The following FOCAD variants were observed in gnomAD, a reference collection of about 807,000 sequenced individuals.
The protein encoded by FOCAD is focadhesin, also known as KIAA1797.
Under a neutral mutation model 225.6 loss-of-function variants are expected in FOCAD, and 198 were observed. That is an observed-to-expected ratio of 0.88 (90% CI 0.78 to 0.99). The LOEUF (loss-of-function observed/expected upper bound fraction) is 0.99. Ranked by LOEUF, FOCAD falls within the 50% of genes least tolerant of loss-of-function variation. The pLI, the probability that FOCAD is intolerant of heterozygous loss-of-function variation, is 0.00. For synonymous variants in FOCAD, 897 were observed against 755.0 expected, an observed-to-expected ratio of 1.19 and a Z score of -3.08; for missense variants, 2,713 against 2,123.6, an observed-to-expected ratio of 1.28 and a Z score of -5.46.
intron 19 of FOCAD, among the ~76,000 whole-genome samples, chr9:20,879,702 C>T (rs893685860): frequency 4.6e-5 from 7 of 152,120 alleles, no homozygotes; most frequent in African/African-American, 1.2e-4. Context: ...TCAAAAGCAA[C>T]GAGAAAAATT....
At chr9:20,886,692 G>A (rs556572758) in intron 21 of FOCAD, among the ~76,000 whole-genome samples, 15 of 152,218 alleles carry the variant, frequency 9.9e-5, no homozygotes, top group Middle Eastern at 6.8e-3. Context: ...ATTAGAAGGC[G>A]TATTGGACAG....
chr9:20,868,869 C>G (rs769080561), intron 18 of FOCAD, among the ~76,000 whole-genome samples: 3 of 152,092 alleles, frequency 2.0e-5, no homozygotes, highest in Non-Finnish European at 2.9e-5. Flanking sequence ...TACTGAGGAC[C>G]TATCTCTTTA....
chr9:20,840,033 G>C (rs558758725), intron 15 of FOCAD, among the ~76,000 whole-genome samples: 2 of 152,132 alleles, frequency 1.3e-5, no homozygotes, highest in East Asian at 3.9e-4. Flanking sequence ...CTGTTTTTAT[G>C]CCAGTAGCAT....
intron 20 of FOCAD, among the ~76,000 whole-genome samples, chr9:20,884,583 C>T (rs1330150391): frequency 6.6e-6 from 1 of 151,882 alleles, no homozygotes; most frequent in Non-Finnish European, 1.5e-5. Context: ...AGGTGTGAGC[C>T]ACCGTGCCTG....
chr9:20,734,434 C>T (rs1006999267), intron 4 of FOCAD, among the ~76,000 whole-genome samples: 6 of 152,080 alleles, frequency 3.9e-5, no homozygotes, highest in Non-Finnish European at 5.9e-5. Context: ...TTGAATATTC[C>T]GTTCAAATGT....
chr9:20,721,483 C>T (rs10964673), intron 4 of FOCAD, among the ~76,000 whole-genome samples: 41,569 of 151,826 alleles, frequency 0.27, 6,039 homozygotes, highest in East Asian at 0.49. Flanking sequence ...GGGCGGATCA[C>T]CTGACGTCAG....
intron 7 of FOCAD, among the ~76,000 whole-genome samples, 178 bp downstream of exon 7, chr9:20,765,251 A>G (rs1829956796): frequency 6.6e-6 from 1 of 152,172 alleles, no homozygotes; most frequent in African/African-American, 2.4e-5. Context: ...TTTAATATGA[A>G]TATATTATAT....
At position 20,946,749 on chromosome 9, in the gene FOCAD, G is replaced by A; in HGVS notation, c.3604G>A (p.Gly1202Arg). Residue 1202 changes from glycine to arginine, a missense_variant, in exon 30 of 44, where the codon GGA becomes AGA. By Grantham distance (125) the Gly-to-Arg change is moderately radical. Transcript: ENST00000338382. ...TGTATGTACATCAGCGTTCAGTGCT[G>A]GAATTATTGAGGCTACAGAGGCTGA... ...SCVCTSAFSA[G>R]IIEATEAEDV... 2 of 1,613,802 alleles carry A rather than the reference G, an allele frequency of 1.2e-6. No individual in the cohort carries two copies. The highest frequency in any genetic ancestry group is 1.7e-5 in the Admixed American group (1 of 60,004).
At chr9:20,929,185 A>G in intron 26 of FOCAD, 173 bp from the exon 27 acceptor site, 1 of 556,188 alleles carries the variant, frequency 1.8e-6, no homozygotes, top group South Asian at 2.6e-5. Context: ...TTCATTAATA[A>G]TGAAAACATA....
chr9:20,743,101 C>A (rs1827763152), intron 5 of FOCAD, among the ~76,000 whole-genome samples: 1 of 152,170 alleles, frequency 6.6e-6, no homozygotes. Context: ...TTACCTGAGT[C>A]AATCATAAAA....
chr9:20,877,942 TACCACTC>T (rs1830365578), intron 19 of FOCAD, among the ~76,000 whole-genome samples: 1 of 152,096 alleles, frequency 6.6e-6, no homozygotes, highest in Non-Finnish European at 1.5e-5. Context: ...CCCAACGGGT[TACCACTC>T]TTTATGCAGT....
rs1319638119 is a variant in FOCAD, at chr9:20,821,069, G to C, written c.1791G>C (p.Gln597His). Residue 597 changes from glutamine to histidine, a missense_variant and splice_region_variant, in exon 14 of 44, where the codon CAG becomes CAC. Transcript: ENST00000338382. Reference protein sequence around the residue: ...KAASIRDICKQRPYQHGADML... With the variant: ...KAASIRDICKHRPYQHGADML... The stretch of plus-strand genomic sequence containing the variant: ...CATCAATCAGAGATATATGTAAGCA[G>C]AGGTATGATGTCATTAACTCTTAGG... 6.2e-7 allele frequency: 1 copy of C among 1,611,814 alleles called. No homozygotes were observed. Among genetic ancestry groups the C allele is most frequent in the Non-Finnish European group, 8.5e-7 (1 of 1,178,674 alleles).
intron 43 of FOCAD, among the ~76,000 whole-genome samples, chr9:20,995,149 T>C (rs919057811): frequency 6.6e-6 from 1 of 152,066 alleles, no homozygotes; most frequent in African/African-American, 2.4e-5. Flanking sequence ...AGGTTCAGGT[T>C]ATTCATTGTT....
chr9:20,876,936 A>G (rs1232631438), intron 19 of FOCAD, among the ~76,000 whole-genome samples: 1 of 152,226 alleles, frequency 6.6e-6, no homozygotes, highest in Non-Finnish European at 1.5e-5. Context: ...CATTATTTAA[A>G]TAGAGATGTT....
chr9:20,849,030 C>G (rs564596631), intron 15 of FOCAD, among the ~76,000 whole-genome samples: 6 of 151,824 alleles, frequency 4.0e-5, no homozygotes, highest in Non-Finnish European at 8.8e-5. Context: ...ACTCTCAGTT[C>G]ATAATAGGCA....
intron 11 of FOCAD, among the ~76,000 whole-genome samples, chr9:20,794,752 C>G (rs1390124797): frequency 1.3e-5 from 2 of 152,122 alleles, no homozygotes. Context: ...TAATAGCACA[C>G]TGGGTATTGG....
At chr9:20,881,808 G>T in intron 19 of FOCAD, 63 bp from the exon 20 acceptor site, 1 of 1,513,556 alleles carries the variant, frequency 6.6e-7, no homozygotes, top group East Asian at 2.3e-5. Flanking sequence ...AGTTAAGAAC[G>T]CATGTTTCTC....
chr9:20,715,605 A>G (rs1825266846), intron 2 of FOCAD, among the ~76,000 whole-genome samples, 195 bp downstream of exon 2: 3 of 152,122 alleles, frequency 2.0e-5, no homozygotes, highest in South Asian at 4.1e-4. Context: ...AAATTGATCA[A>G]TCTCAGCTTC....
intron 35 of FOCAD, among the ~76,000 whole-genome samples, chr9:20,975,128 G>T (rs1006820943): frequency 6.6e-6 from 1 of 151,866 alleles, no homozygotes; most frequent in Non-Finnish European, 1.5e-5. Flanking sequence ...TTCTACTGCC[G>T]ATGTTGATCC....
Sources: gnomAD v4.1 joint callset for allele counts (sites outside exome capture counted in the v4.1 genomes callset) on GRCh38, gnomAD v4.1.1 for gene constraint, MANE v1.5 for transcripts, NCBI Gene and HGNC (gene_info 2026-07-23, HGNC 2026-07-21) for gene names.